Variants in DUOX2 observed in about 807,000 individuals in gnomAD.
DUOX2 encodes the protein dual oxidase 2, also known as NADH/NADPH thyroid oxidase p138-tox.
In DUOX2, 185 loss-of-function variants were observed where a neutral mutation model predicts 183.3. That is an observed-to-expected ratio of 1.01 (90% confidence interval 0.90 to 1.14). DUOX2 has a LOEUF of 1.14. Ranked by LOEUF, DUOX2 falls within the 50% of genes most tolerant of loss-of-function variation. The pLI is 0.00. For missense variants in DUOX2, 1,999 were observed against 2,022.9 expected (o/e 0.99, Z 0.23); for synonymous variants, 788 against 812.4 (o/e 0.97, Z 0.51).
chr15:45,113,293 C>T, intron 2 of DUOX2, 49 bp downstream of exon 2: 1 of 1,546,516 alleles, frequency 6.5e-7, no homozygotes, highest in Non-Finnish European at 8.7e-7. Flanking sequence ...CGCCCCACCT[C>T]CCAGGGATCC....
Position 45,095,031 on chromosome 15 carries a change from G to T in DUOX2, c.4300C>A (p.Gln1434Lys), listed in dbSNP as rs780488151. 6.2e-7 allele frequency: 1 copy of T among 1,614,030 alleles called. No individual in the cohort carries two copies. The highest frequency in any genetic ancestry group is 1.3e-5 in the African/African-American group (1 of 74,922). Residue 1434 changes from glutamine to lysine, a missense_variant, in exon 32 of 34, where the codon CAA becomes AAA. By Grantham distance (53) the Gln-to-Lys change is moderately conservative. This residue lies in a region of DUOX2 where 1,628 missense variants were observed against 1,608.6 expected (regional missense o/e 1.01). Coordinates refer to ENST00000389039, the MANE Select transcript of DUOX2 (RefSeq NM_001363711.2). ...RQFEWLADII[Q>K]EVEENDHQDL... ...TGGTGGTCGTTCTCCTCCACCTCTT[G>T]GATGATGTCAGCCAGCCACTCAAAC...
chr15:45,094,887 C>A (rs779130127), intron 32 of DUOX2, 49 bp downstream of exon 32: 1 of 1,611,490 alleles, frequency 6.2e-7, no homozygotes, highest in Non-Finnish European at 8.5e-7. Context: ...CCTTACGCTG[C>A]CAATCCATCT....
chr15:45,097,914 A>AC, intron 27 of DUOX2, 95 bp downstream of exon 27: 1 of 1,538,808 alleles, frequency 6.5e-7, no homozygotes, highest in South Asian at 1.1e-5. Context: ...CTAGAAACAG[A>AC]CCCCATGGCC....
At chr15:45,096,204 G>A in intron 29 of DUOX2, 144 bp from the exon 30 acceptor site, 2 of 734,042 alleles carry the variant, frequency 2.7e-6, no homozygotes, top group South Asian at 3.0e-5. Flanking sequence ...GGGGCTGGGA[G>A]TAGGAGGGTC....
intron 27 of DUOX2, 104 bp from the exon 28 acceptor site, chr15:45,097,845 C>T: frequency 1.3e-6 from 2 of 1,598,856 alleles, no homozygotes; most frequent in Non-Finnish European, 1.7e-6. Context: ...TCTCTCATCC[C>T]TCCGGGGCCC....
In DUOX2 at chr15:45,100,792, G is replaced by T; in HGVS notation, c.2968C>A (p.Leu990Met). 1 of 1,614,078 alleles carries T rather than the reference G, an allele frequency of 6.2e-7. No individual in the cohort carries two copies. Among genetic ancestry groups the T allele is most frequent in the Non-Finnish European group, 8.5e-7 (1 of 1,179,978 alleles). ...LGPPAPEAPE[L>M]GGPGLKKRFG... ...CTCTTCTTCAGTCCAGGGCCTCCCA[G>T]CTCTGGGGCTTCTGGGGCAGGGGGC... Residue 990 changes from leucine (L) to methionine (M), a missense_variant, in exon 23 of 34, where the codon CTG becomes ATG. Coordinates refer to ENST00000389039, the MANE Select transcript of DUOX2 (RefSeq NM_001363711.2).
rs142350563 is a variant in DUOX2 at position 45,105,765 on chromosome 15, C to A, written c.2212G>T (p.Val738Leu). The A allele has an allele frequency of 1.2e-6, 2 of 1,614,130 alleles. No individual in the cohort carries two copies. The highest frequency in any genetic ancestry group is 2.7e-5 in the African/African-American group (2 of 74,948). The stretch of plus-strand genomic sequence containing the variant: ...ACATGGAGGCCCAGAGCCCAGCGCA[C>A]GCAGAAGTCCCATAGCTGCTGCACA... ...AFVQQLWDFC[V>L]RWALGLHVAE... is the part of the protein sequence containing the mutation. The change falls in exon 18 of 34, where the codon GTG becomes TTG. Residue 738 changes from valine (V) to leucine (L), a missense_variant. Val to Leu is a conservative substitution (Grantham distance 32). Around this residue, in one of 3 missense-constraint regions of DUOX2, gnomAD observed 1,628 missense variants for 1,608.6 expected, o/e 1.01. Coordinates refer to ENST00000389039, the MANE Select transcript of DUOX2 (RefSeq NM_001363711.2).
rs200826034 is a variant in DUOX2 at position 45,108,125 on chromosome 15, A to G, written c.1496T>C (p.Leu499Pro). ...CTGGTCGAGGACAATGGCACTGAAC[A>G]GGGGTCCAGGGTCCCCATGGCTCTC... ...LLESHGDPGP[L>P]FSAIVLDQFV... is the part of the protein sequence containing the mutation. The change falls in exon 13 of 34, where the codon CTG becomes CCG. Residue 499 changes from leucine (L) to proline (P), a missense_variant. Around this residue, in one of 3 missense-constraint regions of DUOX2, gnomAD observed 1,628 missense variants for 1,608.6 expected, o/e 1.01. Coordinates refer to ENST00000389039, the MANE Select transcript of DUOX2 (RefSeq NM_001363711.2). 1.9e-6 allele frequency: 3 copies of G among 1,614,120 alleles called. No individual in the cohort carries two copies. Among genetic ancestry groups the G allele is most frequent in the Non-Finnish European group, 2.5e-6 (3 of 1,179,994 alleles).
Position 45,094,623 on chromosome 15 carries a change from G to A in DUOX2, c.4464C>T (p.Thr1488=). ...RSLFTGLRSI[T]HFGRPPFEPF... ...GCTCGAAGGGGGGACGGCCAAAGTG[G>A]GTGATGGAGCGCAGGCCCGTGAACA... is the stretch of plus-strand genomic sequence containing the variant. The change falls in exon 33 of 34, where the codon ACC becomes ACT. Residue 1488 remains threonine (T), a synonymous_variant. Transcript: ENST00000389039. The A allele has an allele frequency of 6.2e-7, 1 of 1,614,128 alleles. No homozygotes were observed. Among genetic ancestry groups the A allele is most frequent in the South Asian group, 1.1e-5 (1 of 91,072 alleles).
rs1893837403 is a variant in DUOX2, at chr15:45,094,239, G to C, written c.4558C>G (p.Pro1520Ala). ...TTCTCTACATTCTTGGTCATTCCTG[G>C]AGGGCCGCAGCTGAACACCCCGATC... ...RKIGVFSCGP[P>A]GMTKNVEKAC... is the part of the protein sequence containing the mutation. Residue 1520 changes from proline to alanine, a missense_variant, in exon 34 of 34, where the codon CCA becomes GCA. By Grantham distance (27) the Pro-to-Ala change is conservative (BLOSUM62 -1). Coordinates refer to ENST00000389039, the MANE Select transcript of DUOX2 (RefSeq NM_001363711.2). 2 of 1,614,160 alleles carry C rather than the reference G, an allele frequency of 1.2e-6. No homozygotes were observed. The highest frequency in any genetic ancestry group is 1.7e-6 in the Non-Finnish European group (2 of 1,180,026).
intron 22 of DUOX2, 172 bp downstream of exon 22, chr15:45,101,033 C>A: frequency 1.4e-6 from 1 of 717,490 alleles, no homozygotes; most frequent in Non-Finnish European, 2.5e-6. Flanking sequence ...GAGAGCCAAG[C>A]ATCCGAGCAG....
chr15:45,095,149 G>C, intron 31 of DUOX2, 58 bp from the exon 32 acceptor site: 1 of 1,577,330 alleles, frequency 6.3e-7, no homozygotes, highest in Admixed American at 1.8e-5. Context: ...CTAGATCCCA[G>C]GTGCCTTCAC....
In DUOX2 at chr15:45,094,620, G is replaced by A; in HGVS notation, c.4467C>T (p.His1489=). 6.2e-7 allele frequency: 1 copy of A among 1,614,158 alleles called. No homozygotes were observed. Among genetic ancestry groups the A allele is most frequent in the Non-Finnish European group, 8.5e-7 (1 of 1,180,018 alleles). The change falls in exon 33 of 34, where the codon CAC becomes CAT. Residue 1489 remains histidine, a synonymous_variant. Transcript: ENST00000389039. ...AGGGCTCGAAGGGGGGACGGCCAAA[G>A]TGGGTGATGGAGCGCAGGCCCGTGA... is the stretch of plus-strand genomic sequence containing the variant. ...SLFTGLRSIT[H]FGRPPFEPFF... is the part of the protein sequence containing the mutation.
rs1893815371 is a variant in DUOX2 at position 45,093,625 on chromosome 15, T to C, written c.*525A>G. 5.8e-6 allele frequency: 1 copy of C among 173,522 alleles called. No homozygotes were observed. The highest frequency in any genetic ancestry group is 5.6e-5 in the Admixed American group (1 of 17,884). The allele number at this position is 173,522 out of a possible 1,614,324, so 10.7% of individuals were successfully genotyped here. On this transcript the variant is annotated 3_prime_UTR_variant, in exon 34 of 34. Coordinates refer to ENST00000389039, the MANE Select transcript of DUOX2 (RefSeq NM_001363711.2). Reference sequence around the variant, plus strand: ...TCTGAGGAGATTCTCAGCCAGAGGATCCCAGCCTCCTCCTCCCTCAAATGT... The same window carrying C: ...TCTGAGGAGATTCTCAGCCAGAGGACCCCAGCCTCCTCCTCCCTCAAATGT...
chr15:45,112,863 A>G, intron 3 of DUOX2, 124 bp downstream of exon 3: 1 of 1,534,134 alleles, frequency 6.5e-7, no homozygotes, highest in Non-Finnish European at 9.0e-7. Context: ...AGCGCATAAG[A>G]TTGCGCTGTG....
rs1430809770 is a variant in DUOX2 at position 45,111,919 on chromosome 15, G to A, written c.362C>T (p.Thr121Met). The change falls in exon 5 of 34, where the codon ACG becomes ATG. Residue 121 changes from threonine (T) to methionine (M), a missense_variant. Around this residue, in one of 3 missense-constraint regions of DUOX2, gnomAD observed 356 missense variants for 356.4 expected, o/e 1.00. Transcript: ENST00000389039. ...HVLSDVVSVETPGCPAEFLNI... is the reference protein window; with the variant it reads ...HVLSDVVSVEMPGCPAEFLNI... The stretch of plus-strand genomic sequence containing the variant: ...GAGGAACTCGGCGGGGCAACCGGGC[G>A]TTTCCACGCTCACCACGTCGGAAAG... 1.2e-6 allele frequency: 2 copies of A among 1,613,644 alleles called. No individual in the cohort carries two copies. Among genetic ancestry groups the A allele is most frequent in the Non-Finnish European group, 1.7e-6 (2 of 1,180,006 alleles).
At chr15:45,095,739 G>T in intron 30 of DUOX2, 89 bp downstream of exon 30, 1 of 1,536,826 alleles carries the variant, frequency 6.5e-7, no homozygotes, top group Non-Finnish European at 8.9e-7. Flanking sequence ...GCTTTGGGAC[G>T]GCTGGAGCTT....
intron 3 of DUOX2, 117 bp downstream of exon 3, chr15:45,112,870 T>C: frequency 6.5e-7 from 1 of 1,541,464 alleles, no homozygotes; most frequent in Non-Finnish European, 8.9e-7. Context: ...AAGATTGCGC[T>C]GTGTAGGCAG....
chr15:45,101,700 G>A, intron 21 of DUOX2, 93 bp downstream of exon 21: 3 of 1,555,446 alleles, frequency 1.9e-6, no homozygotes, highest in Middle Eastern at 3.4e-4. Context: ...CAAGGACTCA[G>A]AAAAGAGTAA....
Sources: allele counts gnomAD v4.1 joint callset, GRCh38; gene constraint gnomAD v4.1.1; regional missense constraint gnomAD v4.1.1; transcripts MANE v1.5; gene names NCBI Gene and HGNC (gene_info 2026-07-23, HGNC 2026-07-21).